The following METAP1 variants were observed in gnomAD, a reference collection of about 807,000 sequenced individuals.
METAP1 encodes methionine aminopeptidase 1.
In METAP1, 28 loss-of-function variants were observed where a neutral mutation model predicts 53.8. The observed-to-expected ratio is 0.52, with a 90% confidence interval of 0.39 to 0.71. The LOEUF (loss-of-function observed/expected upper bound fraction) is 0.71. Among genes scored for constraint, METAP1 ranks in the 30% least tolerant of loss-of-function variants. METAP1 has a pLI of 0.00. For missense variants in METAP1, 389 were observed against 479.8 expected (o/e 0.81, Z 1.77); for synonymous variants, 181 against 165.7 (o/e 1.09, Z -0.71).
intron 1 of METAP1, 48 bp downstream of exon 1, chr4:98,995,915 C>G: frequency 7.1e-7 from 1 of 1,415,596 alleles, no homozygotes; most frequent in East Asian, 2.6e-5. Context: ...GGGACCCCTC[C>G]TCGCTTCTCC....
chr4:99,025,383 C>G (rs1429948955), intron 1 of METAP1: 1 of 985,186 alleles, frequency 1.0e-6, no homozygotes, highest in African/African-American at 1.7e-5. Flanking sequence ...ATAACTTGTT[C>G]TAGAAGTGAA....
chr4:99,003,828 C>T (rs1723034539), intron 1 of METAP1, among the ~76,000 whole-genome samples: 1 of 152,122 alleles, frequency 6.6e-6, no homozygotes, highest in Non-Finnish European at 1.5e-5. Context: ...CAGTGGACAC[C>T]AACTGGGTGT....
At chr4:99,030,890 A>G (rs1038223880) in intron 2 of METAP1, among the ~76,000 whole-genome samples, 1 of 151,932 alleles carries the variant, frequency 6.6e-6, no homozygotes, top group Non-Finnish European at 1.5e-5. Flanking sequence ...GTATTGGAGC[A>G]ATTCTGGACT....
chr4:99,035,945 A>G (rs1007461374), intron 4 of METAP1: 3 of 155,042 alleles, frequency 1.9e-5, no homozygotes, highest in Non-Finnish European at 2.9e-5. Context: ...TTGCTTAACT[A>G]TGTGTCAGGC....
At chr4:99,018,429 C>A (rs1268841079) in intron 1 of METAP1, among the ~76,000 whole-genome samples, 2 of 152,102 alleles carry the variant, frequency 1.3e-5, no homozygotes, top group Admixed American at 1.3e-4. Flanking sequence ...TCTAATAATC[C>A]TATCTAGAGC....
At chr4:99,023,174 A>G (rs187265618) in intron 1 of METAP1, 21 of 575,750 alleles carry the variant, frequency 3.6e-5, no homozygotes, top group Non-Finnish European at 8.6e-6. Flanking sequence ...ATTACTTCTA[A>G]TGACTGCATA....
intron 9 of METAP1, among the ~76,000 whole-genome samples, chr4:99,057,304 C>A (rs1727223230): frequency 6.6e-6 from 1 of 152,184 alleles, no homozygotes; most frequent in African/African-American, 2.4e-5. Flanking sequence ...CACATGCTTA[C>A]CCCCCAAAGC....
intron 1 of METAP1, among the ~76,000 whole-genome samples, chr4:99,005,370 A>G (rs1579238395): frequency 6.6e-6 from 1 of 152,364 alleles, no homozygotes; most frequent in East Asian, 1.9e-4. Context: ...GCCAACAAAC[A>G]TATGAAAAAA....
At chr4:99,018,968 A>G (rs1164968826) in intron 1 of METAP1, among the ~76,000 whole-genome samples, 1 of 152,206 alleles carries the variant, frequency 6.6e-6, no homozygotes, top group Non-Finnish European at 1.5e-5. Flanking sequence ...CCTCTCATCA[A>G]CAGTAGTTAG....
chr4:99,036,001 A>G (rs1187455298), intron 4 of METAP1: 4 of 154,440 alleles, frequency 2.6e-5, no homozygotes, highest in African/African-American at 9.6e-5. Flanking sequence ...AACACTTTCA[A>G]CACTGCTGAG....
chr4:99,047,709 G>GGATC (rs1363903568), intron 8 of METAP1, among the ~76,000 whole-genome samples: 1 of 152,150 alleles, frequency 6.6e-6, no homozygotes, highest in Non-Finnish European at 1.5e-5. Context: ...AGAGAGTTAA[G>GGATC]GATCCCCAGA....
intron 1 of METAP1, chr4:99,023,418 ATATGT>A (rs1724295376): frequency 2.3e-6 from 2 of 888,144 alleles, no homozygotes; most frequent in Non-Finnish European, 2.7e-6. Context: ...GTATTTATAT[ATATGT>A]TATATCTTGA....
chr4:99,044,802 T>A (rs1173504985), intron 7 of METAP1, among the ~76,000 whole-genome samples: 4 of 152,208 alleles, frequency 2.6e-5, no homozygotes, highest in Admixed American at 2.6e-4. Flanking sequence ...AAGGAACTTG[T>A]AAAAGATAAG....
At chr4:99,011,928 G>A (rs1331821988) in intron 1 of METAP1, among the ~76,000 whole-genome samples, 1 of 152,130 alleles carries the variant, frequency 6.6e-6, no homozygotes, top group Non-Finnish European at 1.5e-5. Flanking sequence ...CAACAAGAGT[G>A]AAACTCCATC....
intron 1 of METAP1, among the ~76,000 whole-genome samples, chr4:99,015,287 A>T (rs1464934382): frequency 2.6e-5 from 4 of 152,192 alleles, no homozygotes; most frequent in Non-Finnish European, 5.9e-5. Context: ...GTAAAGGACT[A>T]ATTGGGATAA....
chr4:99,016,695 G>T (rs2110296147), intron 1 of METAP1, among the ~76,000 whole-genome samples: 1 of 152,320 alleles, frequency 6.6e-6, no homozygotes, highest in African/African-American at 2.4e-5. Context: ...ACTTTGGAAT[G>T]GTCTTAGCCT....
intron 1 of METAP1, among the ~76,000 whole-genome samples, chr4:99,028,542 C>A (rs185202138): frequency 6.6e-6 from 1 of 152,100 alleles, no homozygotes; most frequent in Non-Finnish European, 1.5e-5. Context: ...AGTTTTTTTC[C>A]AGTGTATGAT....
rs1332044830 is a variant in METAP1, at chr4:99,062,515, G to T, written c.*1198G>T. ...AAATCACAAAGTCATTGTCATTAGA[G>T]TGTACTTGATTACTGGGCATCCTTG... On this transcript the variant is annotated 3_prime_UTR_variant, in exon 11 of 11. Transcript: ENST00000296411. 6.6e-6 allele frequency: 1 copy of T among 152,636 alleles called. No individual in the cohort carries two copies. Among genetic ancestry groups the T allele is most frequent in the African/African-American group, 2.4e-5 (1 of 41,448 alleles). The allele number at this position is 152,636 out of a possible 1,614,324, so 9.5% of individuals were successfully genotyped here. A position where few individuals can be genotyped will look rare whatever the true frequency, so the allele number is the denominator to read the frequency against.
At chr4:99,039,659 T>G (rs1338715646) in intron 5 of METAP1, among the ~76,000 whole-genome samples, 194 bp downstream of exon 5, 9 of 151,892 alleles carry the variant, frequency 5.9e-5, no homozygotes, top group Non-Finnish European at 1.3e-4. Flanking sequence ...AGTGGCGTGA[T>G]CTCTGCTCAC....
Sources: allele counts gnomAD v4.1 joint callset (sites outside exome capture counted in the v4.1 genomes callset), GRCh38; gene constraint gnomAD v4.1.1; transcripts MANE v1.5; gene names NCBI Gene and HGNC (gene_info 2026-07-23, HGNC 2026-07-21).